Variants in TRDN observed in about 807,000 individuals in gnomAD.
TRDN encodes the protein triadin.
Under a neutral mutation model 149.7 loss-of-function variants are expected in TRDN, and 161 were observed. The ratio of observed to expected loss-of-function variants is 1.08; its 90% CI spans 0.95 to 1.23. The LOEUF (loss-of-function observed/expected upper bound fraction) is 1.23, where lower values mean the gene tolerates loss of function less well. Ranked by LOEUF, TRDN falls within the 50% of genes most tolerant of loss-of-function variation. TRDN has a pLI of 0.00. For missense variants in TRDN, 896 were observed against 823.5 expected (o/e 1.09, Z -1.08); for synonymous variants, 294 against 250.5 (o/e 1.17, Z -1.64).
chr6:123,636,770 A>C lies in TRDN; in HGVS notation c.6T>G (p.Thr2=). M[T]EITAEGNAST... ...TAGCAATACCTTCAGCAGTGATCTC[A>C]GTCATGGTGGTCGTCAAAAGTAAAA... Residue 2 remains threonine, a synonymous_variant, in exon 1 of 41, where the codon ACT becomes ACG. Transcript: ENST00000334268. The C allele has an allele frequency of 6.2e-7, 1 of 1,611,550 alleles. No homozygotes were observed. The highest frequency in any genetic ancestry group is 8.5e-7 in the Non-Finnish European group (1 of 1,178,348).
chr6:123,522,452 A>G (rs994480804), intron 5 of TRDN, among the ~76,000 whole-genome samples: 6 of 151,352 alleles, frequency 4.0e-5, no homozygotes, highest in Non-Finnish European at 8.8e-5. Context: ...GGGGAAAGCC[A>G]GAGGAAAATT....
chr6:123,601,493 C>T (rs1000606716), intron 1 of TRDN, among the ~76,000 whole-genome samples: 5 of 152,062 alleles, frequency 3.3e-5, no homozygotes, highest in African/African-American at 7.2e-5. Flanking sequence ...AACACTAAAT[C>T]GAATATAATG....
At chr6:123,598,486 C>T (rs546107062) in intron 1 of TRDN, among the ~76,000 whole-genome samples, 1 of 152,166 alleles carries the variant, frequency 6.6e-6, no homozygotes, top group Admixed American at 6.6e-5. Flanking sequence ...TAGTTGTATA[C>T]TCCAGCAAAC....
intron 1 of TRDN, among the ~76,000 whole-genome samples, chr6:123,584,676 T>C (rs4285346): frequency 0.86 from 130,425 of 152,042 alleles, 56,275 homozygotes; most frequent in East Asian, 1. Flanking sequence ...CAGTACAGCC[T>C]AGGTAATTTG....
chr6:123,370,557 CAT>C lies in TRDN; in HGVS notation c.1274-4377_1274-4376del, dbSNP rs1429089789. On this transcript the variant is annotated intron_variant, in intron 19 of 40. Coordinates refer to ENST00000334268, the MANE Select transcript of TRDN (RefSeq NM_006073.4). ...TAATTCTGCTATGAACATTCCTGCA[CAT>C]GTGTCTCCTTTTGCACATGTGCAAT... Among the ~76,000 whole-genome samples, 5 of 152,212 alleles carry C rather than the reference CAT, an allele frequency of 3.3e-5. No homozygotes were observed. In the East Asian group the frequency reaches 7.7e-4, roughly 24 times the overall value.
At chr6:123,456,660 G>C (rs1776141516) in intron 10 of TRDN, among the ~76,000 whole-genome samples, 1 of 152,012 alleles carries the variant, frequency 6.6e-6, no homozygotes, top group Admixed American at 6.6e-5. Flanking sequence ...GTAGAGATAG[G>C]GTTTCGCCAT....
intron 9 of TRDN, among the ~76,000 whole-genome samples, chr6:123,490,547 G>A (rs929210047): frequency 2.0e-5 from 3 of 152,140 alleles, no homozygotes; most frequent in Non-Finnish European, 4.4e-5. Context: ...ATGGATAAGA[G>A]GACACGACTG....
chr6:123,228,146 T>C (rs147301341), intron 38 of TRDN, among the ~76,000 whole-genome samples: 1,682 of 152,074 alleles, frequency 0.011, 31 homozygotes, highest in African/African-American at 0.038. Flanking sequence ...TTAACACTTT[T>C]CACCTCCTCA....
At chr6:123,463,353 T>TAAA (rs1174643439) in intron 10 of TRDN, among the ~76,000 whole-genome samples, 3 of 114,098 alleles carry the variant, frequency 2.6e-5, no homozygotes, top group African/African-American at 8.5e-5. Context: ...AAAAAAAAAA[T>TAAA]AAATAATAAA....
intron 1 of TRDN, among the ~76,000 whole-genome samples, chr6:123,618,275 T>A (rs1307282063): frequency 6.6e-6 from 1 of 152,138 alleles, no homozygotes; most frequent in Non-Finnish European, 1.5e-5. Flanking sequence ...CTACATTCCT[T>A]TCTGGGGCCT....
chr6:123,627,636 G>A (rs1188500334), intron 1 of TRDN, among the ~76,000 whole-genome samples: 5 of 152,174 alleles, frequency 3.3e-5, no homozygotes, highest in African/African-American at 9.6e-5. Context: ...AAACTTTGAA[G>A]CTTTGGAGCC....
chr6:123,324,102 A>G (rs1159695521), intron 23 of TRDN, among the ~76,000 whole-genome samples: 2 of 152,168 alleles, frequency 1.3e-5, no homozygotes, highest in African/African-American at 4.8e-5. Context: ...TTACCAAGGT[A>G]AACAAGCAGG....
intron 6 of TRDN, among the ~76,000 whole-genome samples, chr6:123,514,493 A>G (rs1300970847): frequency 6.6e-6 from 1 of 152,176 alleles, no homozygotes; most frequent in Non-Finnish European, 1.5e-5. Context: ...AAGAATCTAA[A>G]CATATGCACA....
At chr6:123,587,849 G>A (rs1642645077) in intron 1 of TRDN, among the ~76,000 whole-genome samples, 1 of 152,058 alleles carries the variant, frequency 6.6e-6, no homozygotes, top group Admixed American at 6.5e-5. Context: ...CCAGGAGAAG[G>A]AATTTCACAA....
At chr6:123,303,335 T>C (rs1778497868) in intron 24 of TRDN, among the ~76,000 whole-genome samples, 1 of 152,196 alleles carries the variant, frequency 6.6e-6, no homozygotes, top group Non-Finnish European at 1.5e-5. Context: ...TTGTTGGACC[T>C]ACTGTGGCTA....
chr6:123,256,670 T>C (rs984150922), intron 35 of TRDN, among the ~76,000 whole-genome samples: 2 of 152,046 alleles, frequency 1.3e-5, no homozygotes, highest in Non-Finnish European at 2.9e-5. Flanking sequence ...TTGTGTGTTT[T>C]TTTTTTCTTG....
chr6:123,443,660 G>A lies in TRDN; in HGVS notation c.932-4657C>T, dbSNP rs1458799083. 2.0e-4 allele frequency among the ~76,000 whole-genome samples: 31 copies of A among 152,018 alleles called. No individual in the cohort carries two copies. The East Asian group carries it at 5.4e-3, about 27-fold the overall frequency. On this transcript the variant is annotated intron_variant, in intron 10 of 40. Transcript: ENST00000334268. ...ACAAAAAATTAGCCAGGGGTCAAAC[G>A]TTTAAGTCTTTAATCCATCTTGAAT...
chr6:123,340,628 ACTCT>A (rs912809001), intron 21 of TRDN, among the ~76,000 whole-genome samples: 1 of 151,512 alleles, frequency 6.6e-6, no homozygotes, highest in African/African-American at 2.4e-5. Flanking sequence ...AACTTCAAAA[ACTCT>A]CTCTCTCTTT....
chr6:123,275,680 A>T (rs1777345305), intron 26 of TRDN, among the ~76,000 whole-genome samples: 1 of 152,176 alleles, frequency 6.6e-6, no homozygotes, highest in South Asian at 2.1e-4. Flanking sequence ...TAGAGTCTAG[A>T]ATAATTTTGA....
Sources: allele counts gnomAD v4.1 joint callset (sites outside exome capture counted in the v4.1 genomes callset), GRCh38; gene constraint gnomAD v4.1.1; transcripts MANE v1.5; gene names NCBI Gene and HGNC (gene_info 2026-07-23, HGNC 2026-07-21).